Variants in CACNB4 observed in about 807,000 individuals in gnomAD.
The protein encoded by CACNB4 is calcium voltage-gated channel auxiliary subunit beta 4.
In CACNB4, 32 loss-of-function variants were observed where a neutral mutation model predicts 71.2. The observed-to-expected ratio is 0.45, with a 90% CI of 0.34 to 0.60. The LOEUF is 0.60. Among genes scored for constraint, CACNB4 ranks in the 20% least tolerant of loss-of-function variants. The pLI, the probability that CACNB4 is intolerant of heterozygous loss-of-function variation, is 0.01. For synonymous variants in CACNB4, 231 were observed against 236.9 expected, an observed-to-expected ratio of 0.97 and a Z score of 0.23; for missense variants, 464 against 647.9, an observed-to-expected ratio of 0.72 and a Z score of 3.08.
At chr2:151,993,961 C>T (rs1679031296) in intron 2 of CACNB4, among the ~76,000 whole-genome samples, 1 of 151,616 alleles carries the variant, frequency 6.6e-6, no homozygotes, top group South Asian at 2.1e-4. Context: ...TGCTTGAGCC[C>T]AGGAGTTTGA....
rs1243643475 is a variant in CACNB4, at chr2:151,998,539, T to C, written c.147+99791A>G. Among the ~76,000 whole-genome samples, 4 of 152,196 alleles carry C rather than the reference T, an allele frequency of 2.6e-5. No individual in the cohort carries two copies. In the East Asian group the frequency reaches 5.8e-4, roughly 22 times the overall value. On this transcript the variant is annotated intron_variant, in intron 2 of 13. Coordinates refer to ENST00000539935, the MANE Select transcript of CACNB4 (RefSeq NM_000726.5). ...TGGTAAAATGAAACCATAAGTGCCA[T>C]TTGCCTCACAAGATTGTTATGAGGC...
chr2:151,847,689 A>G (rs2099837948), intron 12 of CACNB4, among the ~76,000 whole-genome samples: 1 of 152,154 alleles, frequency 6.6e-6, no homozygotes, highest in Non-Finnish European at 1.5e-5. Context: ...GGAGTTTGAG[A>G]CCATCTCTTT....
chr2:152,064,156 T>C (rs1028950324), intron 2 of CACNB4, among the ~76,000 whole-genome samples: 5 of 152,160 alleles, frequency 3.3e-5, no homozygotes, highest in Admixed American at 6.6e-5. Flanking sequence ...GGTGAGTACA[T>C]GGGTCCAAAC....
intron 9 of CACNB4, among the ~76,000 whole-genome samples, chr2:151,864,286 T>C (rs1313556337): frequency 1.3e-5 from 2 of 152,232 alleles, no homozygotes; most frequent in Non-Finnish European, 2.9e-5. Context: ...TCCTGAAAAC[T>C]AGCAAACATC....
At chr2:151,906,626 C>T (rs1382823653) in intron 2 of CACNB4, among the ~76,000 whole-genome samples, 1 of 152,154 alleles carries the variant, frequency 6.6e-6, no homozygotes, top group African/African-American at 2.4e-5. Context: ...CTTTTGCTGT[C>T]CTACTTTCAT....
chr2:152,065,421 T>C (rs1232918542), intron 2 of CACNB4, among the ~76,000 whole-genome samples: 1 of 151,122 alleles, frequency 6.6e-6, no homozygotes, highest in African/African-American at 2.4e-5. Context: ...AGAAGTTACA[T>C]GCTTTTTCCC....
chr2:152,092,600 C>T (rs938806551), intron 2 of CACNB4, among the ~76,000 whole-genome samples: 4 of 151,926 alleles, frequency 2.6e-5, no homozygotes, highest in African/African-American at 9.6e-5. Context: ...TATTATTATA[C>T]ATTATTCTGT....
At chr2:151,918,832 A>C (rs1474592497) in intron 2 of CACNB4, among the ~76,000 whole-genome samples, 2 of 152,250 alleles carry the variant, frequency 1.3e-5, no homozygotes, top group Non-Finnish European at 2.9e-5. Context: ...ACATCCAGAG[A>C]TGCAAATATC....
intron 2 of CACNB4, among the ~76,000 whole-genome samples, chr2:151,948,658 C>CAA (rs111874098): frequency 0.098 from 13,731 of 140,670 alleles, 1,515 homozygotes; most frequent in East Asian, 0.58. Flanking sequence ...GAGATCCTGT[C>CAA]AAAAAAAAAA....
chr2:152,073,100 T>A (rs1359040667), intron 2 of CACNB4, among the ~76,000 whole-genome samples: 1 of 152,096 alleles, frequency 6.6e-6, no homozygotes, highest in African/African-American at 2.4e-5. Context: ...AGGATTTTCA[T>A]AAAATATCAG....
intron 2 of CACNB4, among the ~76,000 whole-genome samples, chr2:152,072,255 T>C (rs1686736684): frequency 6.6e-6 from 1 of 152,180 alleles, no homozygotes; most frequent in African/African-American, 2.4e-5. Flanking sequence ...CAGCCAAGAA[T>C]GGGGACCATC....
At chr2:151,935,733 A>G (rs990775546) in intron 2 of CACNB4, among the ~76,000 whole-genome samples, 1 of 152,234 alleles carries the variant, frequency 6.6e-6, no homozygotes, top group Admixed American at 6.5e-5. Context: ...TGCAATGTCA[A>G]TATAAACATG....
At chr2:151,993,528 ACTT>A (rs923187827) in intron 2 of CACNB4, among the ~76,000 whole-genome samples, 1 of 151,604 alleles carries the variant, frequency 6.6e-6, no homozygotes, top group South Asian at 2.1e-4. Context: ...GCCAGAGACT[ACTT>A]CTCTGAACAC....
chr2:152,065,461 T>C (rs1319180085), intron 2 of CACNB4, among the ~76,000 whole-genome samples: 1 of 151,550 alleles, frequency 6.6e-6, no homozygotes, highest in Non-Finnish European at 1.5e-5. Flanking sequence ...CTTGGTTAGA[T>C]CTGCTAAAGT....
chr2:151,966,419 T>C (rs1330287984), intron 2 of CACNB4, among the ~76,000 whole-genome samples: 1 of 152,142 alleles, frequency 6.6e-6, no homozygotes, highest in Non-Finnish European at 1.5e-5. Flanking sequence ...TACCTGGGAT[T>C]ACAGGCACCC....
intron 2 of CACNB4, among the ~76,000 whole-genome samples, chr2:151,942,613 A>G (rs2099864545): frequency 7.2e-6 from 1 of 138,820 alleles, no homozygotes; most frequent in Admixed American, 6.8e-5. Context: ...CTATAAATGG[A>G]CGTGCAATTA....
chr2:151,985,675 C>CTTT (rs11329675), intron 2 of CACNB4, among the ~76,000 whole-genome samples: 57 of 142,084 alleles, frequency 4.0e-4, no homozygotes, highest in African/African-American at 1.0e-3. Flanking sequence ...CCTTAATTTT[C>CTTT]TTTTTTTTTT....
intron 2 of CACNB4, among the ~76,000 whole-genome samples, chr2:151,960,227 C>T (rs1353072455): frequency 6.6e-6 from 1 of 152,182 alleles, no homozygotes; most frequent in East Asian, 1.9e-4. Context: ...GCCAGGCACA[C>T]ACCCTTCCAG....
At chr2:152,024,448 TTGTC>T (rs1345926522) in intron 2 of CACNB4, among the ~76,000 whole-genome samples, 9 of 152,242 alleles carry the variant, frequency 5.9e-5, no homozygotes, top group Non-Finnish European at 1.2e-4. Flanking sequence ...TCATTTCTGT[TTGTC>T]TGTTTCTTTT....
Sources: gnomAD v4.1 joint callset for allele counts (sites outside exome capture counted in the v4.1 genomes callset) on GRCh38, gnomAD v4.1.1 for gene constraint, MANE v1.5 for transcripts, NCBI Gene and HGNC (gene_info 2026-07-23, HGNC 2026-07-21) for gene names.